Variants in PDE12 observed in about 807,000 individuals in gnomAD.
PDE12 encodes 2',5'-phosphodiesterase 12.
A neutral mutation model predicts 45.4 loss-of-function variants in PDE12; 26 were observed. The observed-to-expected ratio is 0.57, with a 90% CI of 0.42 to 0.79. The LOEUF (loss-of-function observed/expected upper bound fraction) is 0.79, where lower values mean the gene tolerates loss of function less well. PDE12 is among the 30% of genes least tolerant of loss of function. The pLI, the probability that PDE12 is intolerant of heterozygous loss-of-function variation, is 0.00. For synonymous variants in PDE12, 283 were observed against 323.9 expected (o/e 0.87, Z 1.36); for missense variants, 668 against 790.0 (o/e 0.85, Z 1.85).
the PDE12 span, among the ~76,000 whole-genome samples, chr3:57,595,223 C>G: frequency 2.0e-5 from 3 of 152,082 alleles, no homozygotes; most frequent in Non-Finnish European, 4.4e-5. Flanking sequence ...TCATCAATCA[C>G]AAAAGACTAA....
chr3:57,640,581 A>G, the PDE12 span, among the ~76,000 whole-genome samples: 1 of 152,214 alleles, frequency 6.6e-6, no homozygotes, highest in East Asian at 1.9e-4. Context: ...CTGTCACATA[A>G]ATAGATAAAT....
At chr3:57,582,189 C>G in the PDE12 span, among the ~76,000 whole-genome samples, 1 of 152,088 alleles carries the variant, frequency 6.6e-6, no homozygotes, top group Non-Finnish European at 1.5e-5. Flanking sequence ...AAGCATGTGC[C>G]TCTGTATCAA....
chr3:57,575,473 C>T, the PDE12 span: 1 of 1,405,588 alleles, frequency 7.1e-7, no homozygotes, highest in Admixed American at 2.5e-5. Context: ...AATGTTTAAA[C>T]TGAATATTAG....
At chr3:57,639,613 TCAGA>T in the PDE12 span, among the ~76,000 whole-genome samples, 1 of 152,194 alleles carries the variant, frequency 6.6e-6, no homozygotes, top group Non-Finnish European at 1.5e-5. Flanking sequence ...TCATTAATAC[TCAGA>T]CAGAACAGTA....
the PDE12 span, among the ~76,000 whole-genome samples, chr3:57,591,765 A>G: frequency 6.6e-6 from 1 of 152,060 alleles, no homozygotes; most frequent in African/African-American, 2.4e-5. Context: ...GCGCCCGGCC[A>G]TTATGAATGA....
At chr3:57,597,429 C>A in the PDE12 span, 1 of 275,348 alleles carries the variant, frequency 3.6e-6, no homozygotes. Flanking sequence ...GCGGCCCGGC[C>A]CCTCCAACGC....
the PDE12 span, chr3:57,598,077 G>C: frequency 1.3e-5 from 2 of 151,996 alleles, no homozygotes; most frequent in Non-Finnish European, 2.9e-5. Context: ...TGCTTTTCTT[G>C]TACTTTTTTT....
Position 57,556,869 on chromosome 3 carries a change from T to C in PDE12, c.490T>C (p.Phe164Leu). The C allele has an allele frequency of 6.2e-7, 1 of 1,614,134 alleles. No homozygotes were observed. The change falls in exon 1 of 3, where the codon TTC becomes CTC. Residue 164 changes from phenylalanine (F) to leucine (L), a missense_variant. This residue lies in a region of PDE12 where 580 missense variants were observed against 662.9 expected (regional missense o/e 0.87). Transcript: ENST00000311180. This position sits in a 1 kb window ranked among gnomAD's most constrained non-coding sequence, Gnocchi z 5.0. The part of the protein sequence containing the change: ...KYKVERNPPA[F>L]TELQLPRYIM... ...CAAGGTGGAGCGCAACCCGCCCGCCTTCACCGAACTGCAGTTGCCGCGCTA... is the reference window on the plus strand; with the variant it reads ...CAAGGTGGAGCGCAACCCGCCCGCCCTCACCGAACTGCAGTTGCCGCGCTA...
At chr3:57,643,687 T>G in the PDE12 span, among the ~76,000 whole-genome samples, 183 of 150,826 alleles carry the variant, frequency 1.2e-3, no homozygotes, top group African/African-American at 4.3e-3. Context: ...ATTAGCTGGG[T>G]GTGGTGGTGC....
At chr3:57,583,666 G>A in the PDE12 span, among the ~76,000 whole-genome samples, 1 of 152,006 alleles carries the variant, frequency 6.6e-6, no homozygotes, top group African/African-American at 2.4e-5. Flanking sequence ...AACTACACCA[G>A]CACCCACCCC....
chr3:57,653,473 C>T, the PDE12 span, among the ~76,000 whole-genome samples: 4 of 151,986 alleles, frequency 2.6e-5, no homozygotes, highest in African/African-American at 4.8e-5. Flanking sequence ...AGGCCGGGCG[C>T]GGTGGCTCAC....
the PDE12 span, among the ~76,000 whole-genome samples, chr3:57,604,529 A>C: frequency 6.7e-6 from 1 of 149,558 alleles, no homozygotes; most frequent in Non-Finnish European, 1.5e-5. Flanking sequence ...TAGGAGGCTC[A>C]TTGGAGCCTA....
chr3:57,645,840 G>A, the PDE12 span: 1 of 931,868 alleles, frequency 1.1e-6, no homozygotes, highest in Non-Finnish European at 1.6e-6. Context: ...TATACAAACG[G>A]TATACACACA....
chr3:57,630,629 A>T, the PDE12 span: 2 of 1,531,088 alleles, frequency 1.3e-6, no homozygotes, highest in African/African-American at 2.8e-5. Context: ...AGAATTTTTT[A>T]AAAAGAATAA....
At chr3:57,653,538 G>A in the PDE12 span, among the ~76,000 whole-genome samples, 1 of 152,026 alleles carries the variant, frequency 6.6e-6, no homozygotes, top group Non-Finnish European at 1.5e-5. Flanking sequence ...GAGGTCAGGA[G>A]ATCGAGACCA....
chr3:57,570,219 G>GTTTTTTTTTTT (rs34599005), downstream of PDE12, among the ~76,000 whole-genome samples: 9 of 102,314 alleles, frequency 8.8e-5, no homozygotes, highest in African/African-American at 2.3e-4. Flanking sequence ...TTAATCCAGT[G>GTTTTTTTTTTT]TTTTTTTTTT....
the PDE12 span, among the ~76,000 whole-genome samples, chr3:57,637,951 T>C: frequency 5.2e-4 from 79 of 151,954 alleles, no homozygotes; most frequent in Admixed American, 6.6e-4. Context: ...CTGGCCAACA[T>C]GGTGAAACCC....
the PDE12 span, among the ~76,000 whole-genome samples, chr3:57,624,474 T>G: frequency 6.6e-6 from 1 of 152,010 alleles, no homozygotes; most frequent in African/African-American, 2.4e-5. Flanking sequence ...AAAACTTTTT[T>G]TAGAGATGGG....
intron 1 of PDE12, among the ~76,000 whole-genome samples, chr3:57,558,692 A>G (rs958420731): frequency 2.0e-5 from 3 of 148,474 alleles, no homozygotes; most frequent in African/African-American, 7.5e-5. Context: ...GGGTTTCACC[A>G]TGTTAGCCAG....
Sources: gnomAD v4.1 joint callset for allele counts (sites outside exome capture counted in the v4.1 genomes callset) on GRCh38, gnomAD v4.1.1 for gene constraint, gnomAD v4.1.1 regional missense constraint, Gnocchi (gnomAD v3.1) non-coding constraint, MANE v1.5 for transcripts, NCBI Gene and HGNC (gene_info 2026-07-23, HGNC 2026-07-21) for gene names.